Variants in ZNF548 observed in about 807,000 individuals in gnomAD.
ZNF548 encodes zinc finger protein 548.
A neutral mutation model predicts 10.2 loss-of-function variants in ZNF548; 10 were observed. That is an observed-to-expected ratio of 0.98 (90% confidence interval 0.60 to 1.66). ZNF548 has a LOEUF of 1.66. ZNF548 is among the 40% of genes most tolerant of loss of function. ZNF548 has a pLI of 0.00. For missense variants in ZNF548, 599 were observed against 657.0 expected (o/e 0.91, Z 0.97); for synonymous variants, 217 against 223.5 (o/e 0.97, Z 0.26).
chr19:57,398,487 G>T lies in ZNF548; in HGVS notation c.236G>T (p.Gly79Val). Reference protein sequence around the residue: ...EAPSQQGFSVGVSEVTASKPC... With the variant: ...EAPSQQGFSVVVSEVTASKPC... ...CCTTCACAGCAAGGTTTTTCTGTAG[G>T]AGTGTCAGAGGTTACAGCTTCAAAG... The change falls in exon 4 of 4, where the codon GGA (glycine) becomes GTA (valine). Residue 79 changes from glycine to valine, a missense_variant. By Grantham distance (109) the Gly-to-Val change is moderately radical. Coordinates refer to ENST00000336128, the MANE Select transcript of ZNF548 (RefSeq NM_001172773.2). The T allele has an allele frequency of 6.2e-7, 1 of 1,614,210 alleles. No homozygotes were observed. Among genetic ancestry groups the T allele is most frequent in the Non-Finnish European group, 8.5e-7 (1 of 1,180,040 alleles).
At position 57,402,572 on chromosome 19, in the gene ZNF548, G is replaced by A. The variant is rs1475586254; in HGVS notation, c.*2683G>A. 1 of 152,150 alleles carries A rather than the reference G, an allele frequency of 6.6e-6. No individual in the cohort carries two copies. Among genetic ancestry groups the A allele is most frequent in the East Asian group, 1.9e-4 (1 of 5,202 alleles). 9.4% of individuals were successfully genotyped at this position (152,150 alleles called of 1,614,324 possible). A position where few individuals can be genotyped will look rare whatever the true frequency, so the allele number is the denominator to read the frequency against. On this transcript the variant is annotated 3_prime_UTR_variant, in exon 4 of 4. Coordinates refer to ENST00000336128, the MANE Select transcript of ZNF548 (RefSeq NM_001172773.2). The stretch of plus-strand genomic sequence containing the variant: ...TCCAAGTGACATTGGGTTGTTTCTT[G>A]CTATCAGAAGAACCCAGAAAAGTAT...
In ZNF548 at chr19:57,397,107, T is replaced by C. The variant is rs927853797; in HGVS notation, c.111T>C (p.Leu37=). Residue 37 remains leucine (L), a synonymous_variant, in exon 3 of 4, where the codon CTT becomes CTC. Coordinates refer to ENST00000336128, the MANE Select transcript of ZNF548 (RefSeq NM_001172773.2). ...IYFSQEEWGH[L]DEAQRLLYRD... is the part of the protein sequence containing the mutation. ...TCTCCCAGGAGGAGTGGGGGCACCT[T>C]GATGAGGCTCAGAGATTGCTGTACC... The C allele has an allele frequency of 3.7e-6, 6 of 1,613,552 alleles. No homozygotes were observed. The highest frequency in any genetic ancestry group is 3.3e-5 in the Admixed American group (2 of 59,924).
At chr19:57,391,383 T>G (rs976256965) in intron 1 of ZNF548, among the ~76,000 whole-genome samples, 1 of 152,216 alleles carries the variant, frequency 6.6e-6, no homozygotes, top group East Asian at 1.9e-4. Context: ...TGATGGATAA[T>G]TGGTTAATTC....
In ZNF548 at chr19:57,398,102, T is replaced by G. The variant is rs1186727903; in HGVS notation, c.179-328T>G. ...CTGTCACAGTCTGATCTCTCTGGGT[T>G]TGGAGAGAACCTTCTACACACTGCT... On this transcript the variant is annotated intron_variant, in intron 3 of 3. Coordinates refer to ENST00000336128, the MANE Select transcript of ZNF548 (RefSeq NM_001172773.2). Among the ~76,000 whole-genome samples, 6 of 152,316 alleles carry G rather than the reference T, an allele frequency of 3.9e-5. No individual in the cohort carries two copies. The East Asian group carries it at 1.2e-3, about 29-fold the overall frequency.
rs768265904 is a variant in ZNF548 at position 57,399,449 on chromosome 19, A to G, written c.1198A>G (p.Thr400Ala). 2.5e-6 allele frequency: 4 copies of G among 1,614,178 alleles called. No homozygotes were observed. The South Asian group carries it at 4.4e-5, about 18-fold the overall frequency. Reference protein sequence around the residue: ...SSLVKHWRNHTGERPYKCSEC... With the variant: ...SSLVKHWRNHAGERPYKCSEC... The stretch of plus-strand genomic sequence containing the variant: ...CCTTGTTAAACATTGGAGAAATCAC[A>G]CTGGAGAAAGGCCTTATAAATGCAG... Residue 400 changes from threonine (T) to alanine (A), a missense_variant, in exon 4 of 4, where the codon ACT becomes GCT. Coordinates refer to ENST00000336128, the MANE Select transcript of ZNF548 (RefSeq NM_001172773.2). The surrounding 1 kb of genome is among the most constrained non-coding windows in gnomAD (Gnocchi z 4.0).
chr19:57,397,264 C>T (rs764174763), intron 3 of ZNF548, 90 bp downstream of exon 3: 80 of 1,439,196 alleles, frequency 5.6e-5, no homozygotes, highest in Non-Finnish European at 6.7e-5. Flanking sequence ...ACAGTGAGAC[C>T]GTGGGTGCTG....
rs2088711251 is a variant in ZNF548, at chr19:57,400,912, G to GT, written c.*1025dup. ...TTTTGTTTTGGATAGCAGCTATCTT[G>GT]TTGGATGTGAGGTGGAATCTATAGT... On this transcript the variant is annotated 3_prime_UTR_variant, in exon 4 of 4. Transcript: ENST00000336128. The GT allele has an allele frequency of 6.6e-6, 1 of 152,102 alleles. No homozygotes were observed. Among genetic ancestry groups the GT allele is most frequent in the African/African-American group, 2.4e-5 (1 of 41,422 alleles). 9.4% of individuals were successfully genotyped at this position (152,102 alleles called of 1,614,324 possible). A position where few individuals can be genotyped will look rare whatever the true frequency, so the allele number is the denominator to read the frequency against.
Position 57,400,003 on chromosome 19 carries a change from A to G in ZNF548, c.*114A>G. 1.2e-6 allele frequency: 1 copy of G among 802,384 alleles called. No homozygotes were observed. 49.7% of individuals were successfully genotyped at this position (802,384 alleles called of 1,614,324 possible). On this transcript the variant is annotated 3_prime_UTR_variant, in exon 4 of 4. Transcript: ENST00000336128. The stretch of plus-strand genomic sequence containing the variant: ...ATGCTGTACCCATTAACAACAACTC[A>G]TTCCCCTTCCCTACTTCCCCAGAAA...
chr19:57,392,435 T>C (rs887581950), intron 1 of ZNF548, among the ~76,000 whole-genome samples: 3 of 152,220 alleles, frequency 2.0e-5, no homozygotes, highest in African/African-American at 7.2e-5. Flanking sequence ...ATTTAAATCT[T>C]TAATTCATCT....
intron 3 of ZNF548, 142 bp from the exon 4 acceptor site, chr19:57,398,286 GAC>G: frequency 4.7e-6 from 7 of 1,483,942 alleles, no homozygotes; most frequent in Non-Finnish European, 6.3e-6. Flanking sequence ...CTGCATAGTG[GAC>G]CCTCCTCTCA....
At chr19:57,396,839 G>A in intron 2 of ZNF548, 1 of 616,138 alleles carries the variant, frequency 1.6e-6, no homozygotes, top group South Asian at 3.1e-5. Context: ...TAGTTTTGCA[G>A]TACCTGGCCC....
chr19:57,398,283 G>A, intron 3 of ZNF548, 147 bp from the exon 4 acceptor site: 1 of 1,479,446 alleles, frequency 6.8e-7, no homozygotes, highest in South Asian at 1.4e-5. Flanking sequence ...GCCCTGCATA[G>A]TGGACCCTCC....
Position 57,398,491 on chromosome 19 carries a change from G to A in ZNF548, c.240G>A (p.Val80=). The part of the protein sequence containing the change: ...APSQQGFSVG[V]SEVTASKPCL... ...CACAGCAAGGTTTTTCTGTAGGAGT[G>A]TCAGAGGTTACAGCTTCAAAGCCCT... Residue 80 remains valine (V), a synonymous_variant, in exon 4 of 4, where the codon GTG becomes GTA. Transcript: ENST00000336128. 6.2e-7 allele frequency: 1 copy of A among 1,614,218 alleles called. No homozygotes were observed. The highest frequency in any genetic ancestry group is 8.5e-7 in the Non-Finnish European group (1 of 1,180,042).
At position 57,395,500 on chromosome 19, in the gene ZNF548, GA is replaced by G. The variant is rs1279336102; in HGVS notation, c.51+1280del. On this transcript the variant is annotated intron_variant, in intron 2 of 3. Transcript: ENST00000336128. This position sits in a 1 kb window ranked among gnomAD's most constrained non-coding sequence, Gnocchi z 4.8. Reference sequence around the variant, plus strand: ...AGGAAGCATAACTGGGAGGCCTCAGGAAACACAATCCTGGCGGAAGGTGAAG... The same window carrying G: ...AGGAAGCATAACTGGGAGGCCTCAGGAACACAATCCTGGCGGAAGGTGAAG... 6.6e-6 allele frequency among the ~76,000 whole-genome samples: 1 copy of G among 152,126 alleles called. No individual in the cohort carries two copies. Among genetic ancestry groups the G allele is most frequent in the Non-Finnish European group, 1.5e-5 (1 of 68,026 alleles).
At position 57,402,464 on chromosome 19, in the gene ZNF548, G is replaced by A. The variant is rs1031115581; in HGVS notation, c.*2575G>A. 3.9e-5 allele frequency: 6 copies of A among 152,218 alleles called. No homozygotes were observed. The highest frequency in any genetic ancestry group is 1.4e-4 in the African/African-American group (6 of 41,438). 9.4% of individuals were successfully genotyped at this position (152,218 alleles called of 1,614,324 possible). A position where few individuals can be genotyped will look rare whatever the true frequency, so the allele number is the denominator to read the frequency against. On this transcript the variant is annotated 3_prime_UTR_variant, in exon 4 of 4. Transcript: ENST00000336128. The stretch of plus-strand genomic sequence containing the variant: ...TGCAGCCTCAGGTTGCTGTTACTGT[G>A]TTTCAGATGCAACCCTCTGTGGGAC...
chr19:57,392,507 A>C (rs1051807716), intron 1 of ZNF548, among the ~76,000 whole-genome samples: 1 of 152,170 alleles, frequency 6.6e-6, no homozygotes, highest in African/African-American at 2.4e-5. Context: ...TCATATGGCA[A>C]TCCAGTTTTC....
chr19:57,390,375 C>T, intron 1 of ZNF548: 1 of 401,048 alleles, frequency 2.5e-6, no homozygotes, highest in Non-Finnish European at 4.5e-6. Context: ...TTTGTGAATT[C>T]TCGCTTGGAA....
rs1182150461 is a variant in ZNF548 at position 57,397,109 on chromosome 19, A to C, written c.113A>C (p.Asp38Ala). 1 of 1,613,708 alleles carries C rather than the reference A, an allele frequency of 6.2e-7. No individual in the cohort carries two copies. Among genetic ancestry groups the C allele is most frequent in the African/African-American group, 1.3e-5 (1 of 75,002 alleles). ...TCCCAGGAGGAGTGGGGGCACCTTG[A>C]TGAGGCTCAGAGATTGCTGTACCGT... is the stretch of plus-strand genomic sequence containing the variant. ...YFSQEEWGHL[D>A]EAQRLLYRDV... The change falls in exon 3 of 4, where the codon GAT (aspartate) becomes GCT (alanine). Residue 38 changes from aspartate (D) to alanine (A), a missense_variant. Asp to Ala is a moderately radical substitution (Grantham distance 126, BLOSUM62 -2). Transcript: ENST00000336128.
intron 2 of ZNF548, 61 bp from the exon 3 acceptor site, chr19:57,396,987 A>G (rs2088670705): frequency 6.5e-7 from 1 of 1,547,344 alleles, no homozygotes. Flanking sequence ...AAAATAGAGA[A>G]CTTAAGTAAA....
Sources: gnomAD v4.1 joint callset for allele counts (sites outside exome capture counted in the v4.1 genomes callset) on GRCh38, gnomAD v4.1.1 for gene constraint, Gnocchi (gnomAD v3.1) non-coding constraint, MANE v1.5 for transcripts, NCBI Gene and HGNC (gene_info 2026-07-23, HGNC 2026-07-21) for gene names.